The following CACNB2 variants were observed in gnomAD, a reference collection of about 807,000 sequenced individuals.
CACNB2 encodes the protein voltage-dependent L-type calcium channel subunit beta-2.
Under a neutral mutation model 73.3 loss-of-function variants are expected in CACNB2, and 42 were observed. The observed-to-expected ratio is 0.57, with a 90% CI of 0.45 to 0.74. The LOEUF is 0.74. CACNB2 is among the 30% of genes least tolerant of loss of function. The pLI is 0.00. For missense variants in CACNB2, 940 were observed against 853.0 expected (o/e 1.10, Z -1.27); for synonymous variants, 348 against 310.3 (o/e 1.12, Z -1.28).
At chr10:18,228,431 CT>C (rs2036086775) in intron 2 of CACNB2, among the ~76,000 whole-genome samples, 1 of 7,228 alleles carries the variant, frequency 1.4e-4, no homozygotes, top group South Asian at 3.0e-3. Context: ...AAAACTCTAC[CT>C]CAAAAAAAAA....
chr10:18,334,629 A>G (rs1337647828), intron 2 of CACNB2, among the ~76,000 whole-genome samples: 3 of 152,090 alleles, frequency 2.0e-5, no homozygotes, highest in Non-Finnish European at 2.9e-5. Flanking sequence ...TCCCCTGTGC[A>G]TTGTAGGATG....
chr10:18,171,543 A>AAAAAAG (rs2033237695), intron 2 of CACNB2, among the ~76,000 whole-genome samples: 1 of 138,826 alleles, frequency 7.2e-6, no homozygotes, highest in African/African-American at 3.2e-5. Flanking sequence ...AAAAAAAAAA[A>AAAAAAG]AAAAAAGGCT....
intron 3 of CACNB2, among the ~76,000 whole-genome samples, chr10:18,484,159 C>G (rs575456053): frequency 8.2e-4 from 125 of 152,236 alleles, no homozygotes; most frequent in Non-Finnish European, 1.2e-3. Context: ...TTTGGAAGGC[C>G]AAGGCGGGCA....
intron 2 of CACNB2, among the ~76,000 whole-genome samples, chr10:18,389,815 A>T (rs1219445623): frequency 6.6e-6 from 1 of 152,214 alleles, no homozygotes; most frequent in Non-Finnish European, 1.5e-5. Flanking sequence ...TGCAAAGAGC[A>T]TTGGTTTAAT....
At chr10:18,220,792 G>A (rs2035762167) in intron 2 of CACNB2, among the ~76,000 whole-genome samples, 1 of 152,068 alleles carries the variant, frequency 6.6e-6, no homozygotes, top group African/African-American at 2.4e-5. Context: ...TCCAGGTTGC[G>A]CGTTCCTTAT....
chr10:18,288,755 C>T (rs534839202), intron 2 of CACNB2, among the ~76,000 whole-genome samples: 18 of 150,746 alleles, frequency 1.2e-4, no homozygotes, highest in Admixed American at 7.3e-4. Context: ...TTAAAAAATC[C>T]TTTTCTCTGC....
At chr10:18,295,988 CTTTTTGCGTGTTTT>C (rs1223581480) in intron 2 of CACNB2, among the ~76,000 whole-genome samples, 323 of 107,940 alleles carry the variant, frequency 3.0e-3, no homozygotes, top group African/African-American at 0.01. Flanking sequence ...AATCACTATT[CTTTTTGCGTGTTTT>C]TTTTTTTTTT....
At chr10:18,362,552 T>C (rs113253073) in intron 2 of CACNB2, among the ~76,000 whole-genome samples, 6 of 152,322 alleles carry the variant, frequency 3.9e-5, no homozygotes, top group African/African-American at 1.4e-4. Context: ...CTTTTAAGTA[T>C]AAGAAAAATA....
chr10:18,214,308 T>C (rs2035430011), intron 2 of CACNB2, among the ~76,000 whole-genome samples: 1 of 75,568 alleles, frequency 1.3e-5, no homozygotes, highest in South Asian at 4.7e-4. Context: ...ATTTGTACCT[T>C]ACACAGGGAT....
intron 2 of CACNB2, among the ~76,000 whole-genome samples, chr10:18,210,973 G>A (rs1007855178): frequency 5.3e-5 from 8 of 152,062 alleles, no homozygotes; most frequent in Admixed American, 2.0e-4. Flanking sequence ...CTGCTTCCTC[G>A]TGTATACATG....
intron 2 of CACNB2, among the ~76,000 whole-genome samples, chr10:18,368,075 T>A (rs1168112630): frequency 6.6e-6 from 1 of 152,186 alleles, no homozygotes; most frequent in African/African-American, 2.4e-5. Context: ...GAAAGAAATT[T>A]CTTGAAAAGC....
chr10:18,510,838 C>G (rs1429906593), intron 6 of CACNB2, among the ~76,000 whole-genome samples: 1 of 152,182 alleles, frequency 6.6e-6, no homozygotes, highest in Non-Finnish European at 1.5e-5. Context: ...TTACCACCAG[C>G]AAGGAAACTC....
At chr10:18,172,924 C>CTTTTTTTTTTTTTTTTTTTTTTTTT (rs58345605) in intron 2 of CACNB2, among the ~76,000 whole-genome samples, 32 of 117,462 alleles carry the variant, frequency 2.7e-4, no homozygotes, top group African/African-American at 1.1e-3. Flanking sequence ...ATAATAAGGC[C>CTTTTTTTTTTTTTTTTTTTTTTTTT]TTTTTTTTTT....
At chr10:18,361,859 C>T (rs1182560569) in intron 2 of CACNB2, among the ~76,000 whole-genome samples, 3 of 152,062 alleles carry the variant, frequency 2.0e-5, no homozygotes, top group African/African-American at 7.2e-5. Context: ...GCAATCTGCC[C>T]GCCTCTACCT....
intron 2 of CACNB2, among the ~76,000 whole-genome samples, chr10:18,400,195 G>T (rs2043919393): frequency 6.6e-6 from 1 of 152,160 alleles, no homozygotes; most frequent in Non-Finnish European, 1.5e-5. Flanking sequence ...AAGCAATAAA[G>T]AACTGTGCTA....
At chr10:18,501,071 T>C in intron 5 of CACNB2, 123 bp downstream of exon 5, 2 of 962,898 alleles carry the variant, frequency 2.1e-6, no homozygotes, top group Non-Finnish European at 3.2e-6. Flanking sequence ...TATGGTTTAT[T>C]GATAGCATCA....
intron 3 of CACNB2, among the ~76,000 whole-genome samples, chr10:18,425,131 T>C (rs2045529094): frequency 6.6e-6 from 1 of 152,256 alleles, no homozygotes; most frequent in South Asian, 2.1e-4. Context: ...TTTTGTTTTC[T>C]TCTGTGAAAT....
At chr10:18,506,745 T>C (rs2050509405) in intron 6 of CACNB2, among the ~76,000 whole-genome samples, 198 bp downstream of exon 6, 1 of 152,208 alleles carries the variant, frequency 6.6e-6, no homozygotes, top group Non-Finnish European at 1.5e-5. Flanking sequence ...AAAAGAAGTA[T>C]GTCAAAGTGT....
chr10:18,220,840 T>C (rs1207396070), intron 2 of CACNB2, among the ~76,000 whole-genome samples: 1 of 152,178 alleles, frequency 6.6e-6, no homozygotes, highest in African/African-American at 2.4e-5. Context: ...TGGAACAGTT[T>C]CATCCCAAAA....
Sources: allele counts gnomAD v4.1 joint callset (sites outside exome capture counted in the v4.1 genomes callset), GRCh38; gene constraint gnomAD v4.1.1; transcripts MANE v1.5; gene names NCBI Gene and HGNC (gene_info 2026-07-23, HGNC 2026-07-21).